Variants in CDH12 observed in about 807,000 individuals in gnomAD.
CDH12 encodes the protein cadherin-12.
A neutral mutation model predicts 74.1 loss-of-function variants in CDH12; 41 were observed. The ratio of observed to expected loss-of-function variants is 0.55; its 90% CI spans 0.43 to 0.72. The LOEUF is 0.72. Among genes scored for constraint, CDH12 ranks in the 30% least tolerant of loss-of-function variants. The pLI, the probability that CDH12 is intolerant of heterozygous loss-of-function variation, is 0.00. For missense variants in CDH12, 945 were observed against 977.2 expected, an observed-to-expected ratio of 0.97 and a Z score of 0.44; for synonymous variants, 399 against 355.0, an observed-to-expected ratio of 1.12 and a Z score of -1.39.
chr5:21,769,519 T>G (rs1418261704), intron 11 of CDH12, among the ~76,000 whole-genome samples: 2 of 152,136 alleles, frequency 1.3e-5, no homozygotes, highest in African/African-American at 4.8e-5. Flanking sequence ...GAAAGGAGGA[T>G]AGATCTCACT....
At chr5:22,378,004 CT>C (rs35745898) in intron 3 of CDH12, among the ~76,000 whole-genome samples, 91 of 152,210 alleles carry the variant, frequency 6.0e-4, no homozygotes, top group African/African-American at 2.2e-3. Flanking sequence ...CAGGTTATAA[CT>C]TTTTTAAGGC....
chr5:21,833,136 A>ATATATAT (rs1554035470), intron 8 of CDH12, among the ~76,000 whole-genome samples: 37 of 24,004 alleles, frequency 1.5e-3, no homozygotes, highest in African/African-American at 2.5e-3. Flanking sequence ...TATATTATAA[A>ATATATAT]TATATATTAT....
At position 22,812,314 on chromosome 5, in the gene CDH12, T is replaced by C. The variant is rs531043796; in HGVS notation, c.-523+40744A>G. ...AATATATATTTTTTGAGGGAAGGCATAATACTTATCATTAAGCCTGAGCCT... is the reference window on the plus strand; with the variant it reads ...AATATATATTTTTTGAGGGAAGGCACAATACTTATCATTAAGCCTGAGCCT... On this transcript the variant is annotated intron_variant, in intron 1 of 14. Transcript: ENST00000382254. Among the ~76,000 whole-genome samples, 12 of 152,240 alleles carry C rather than the reference T, an allele frequency of 7.9e-5. No individual in the cohort carries two copies. In the East Asian group the frequency reaches 1.9e-3, roughly 25 times the overall value.
intron 1 of CDH12, among the ~76,000 whole-genome samples, chr5:22,796,551 G>C (rs1227025272): frequency 1.3e-5 from 1 of 75,576 alleles, no homozygotes; most frequent in Non-Finnish European, 2.1e-5. Flanking sequence ...ACGGAGTCTC[G>C]CTCTGTCGCC....
chr5:21,897,371 G>A (rs902351467), intron 6 of CDH12, among the ~76,000 whole-genome samples: 1 of 152,166 alleles, frequency 6.6e-6, no homozygotes, highest in Non-Finnish European at 1.5e-5. Context: ...ACAAAAAAAT[G>A]TTTCCCAAGT....
At chr5:22,294,246 T>C (rs925827402) in intron 3 of CDH12, among the ~76,000 whole-genome samples, 4 of 152,012 alleles carry the variant, frequency 2.6e-5, no homozygotes, top group Non-Finnish European at 4.4e-5. Context: ...GGGAAGAGTG[T>C]TCCCTGTGAG....
At chr5:21,848,554 T>A (rs941164887) in intron 7 of CDH12, among the ~76,000 whole-genome samples, 4 of 152,050 alleles carry the variant, frequency 2.6e-5, no homozygotes, top group Non-Finnish European at 4.4e-5. Flanking sequence ...ATGGATTTTT[T>A]AAAAATACTA....
intron 4 of CDH12, among the ~76,000 whole-genome samples, chr5:22,093,113 G>A (rs1010540804): frequency 1.6e-4 from 24 of 152,132 alleles, no homozygotes; most frequent in African/African-American, 5.3e-4. Flanking sequence ...AAGCAGCATG[G>A]TCAGGTGTCT....
chr5:22,472,078 G>C (rs1745981372), intron 2 of CDH12, among the ~76,000 whole-genome samples: 2 of 152,110 alleles, frequency 1.3e-5, no homozygotes, highest in South Asian at 4.1e-4. Flanking sequence ...TACTGAAGCA[G>C]GTGAAGGACT....
At chr5:21,920,156 T>C (rs1187723531) in intron 6 of CDH12, among the ~76,000 whole-genome samples, 1 of 152,228 alleles carries the variant, frequency 6.6e-6, no homozygotes, top group Non-Finnish European at 1.5e-5. Context: ...CAAATATTTA[T>C]AGAGACCAAC....
intron 6 of CDH12, among the ~76,000 whole-genome samples, chr5:21,905,842 T>C (rs1463901499): frequency 6.6e-6 from 1 of 152,200 alleles, no homozygotes; most frequent in Non-Finnish European, 1.5e-5. Flanking sequence ...TGATTTGCAT[T>C]TATTTGAACA....
intron 4 of CDH12, among the ~76,000 whole-genome samples, chr5:22,108,361 G>A (rs532092371): frequency 6.6e-6 from 1 of 152,330 alleles, no homozygotes; most frequent in African/African-American, 2.4e-5. Context: ...AAATTACCCA[G>A]TGTTGGGTAT....
intron 5 of CDH12, among the ~76,000 whole-genome samples, chr5:22,056,290 T>A (rs1433655750): frequency 1.3e-5 from 2 of 152,194 alleles, no homozygotes; most frequent in Admixed American, 1.3e-4. Flanking sequence ...AATTCCCTAA[T>A]ATATTGTTAA....
intron 4 of CDH12, among the ~76,000 whole-genome samples, chr5:22,092,765 T>C (rs1743510191): frequency 6.6e-6 from 1 of 151,856 alleles, no homozygotes; most frequent in Non-Finnish European, 1.5e-5. Context: ...TAAGAGAAAA[T>C]GGAAAAGACT....
chr5:21,792,051 A>G (rs2149908896), intron 10 of CDH12, among the ~76,000 whole-genome samples: 1 of 152,128 alleles, frequency 6.6e-6, no homozygotes, highest in Admixed American at 6.6e-5. Context: ...TTTTGTTAAG[A>G]TAATGATAGT....
intron 6 of CDH12, chr5:21,889,510 A>G: frequency 1.2e-6 from 1 of 821,116 alleles, no homozygotes; most frequent in Non-Finnish European, 1.5e-6. Context: ...AGAAAAATAT[A>G]TTACCAATCC....
At chr5:22,692,049 G>C (rs948199548) in intron 1 of CDH12, among the ~76,000 whole-genome samples, 1 of 152,184 alleles carries the variant, frequency 6.6e-6, no homozygotes, top group African/African-American at 2.4e-5. Flanking sequence ...GGTGGTACTT[G>C]ATGTGAGGTG....
At chr5:22,339,767 G>A (rs4701582) in intron 3 of CDH12, among the ~76,000 whole-genome samples, 55,822 of 151,900 alleles carry the variant, frequency 0.37, 10,423 homozygotes, top group South Asian at 0.47. Flanking sequence ...GAAAAACAGG[G>A]GAAAAGGAAT....
intron 1 of CDH12, chr5:22,580,545 T>C (rs916929537): frequency 2.1e-6 from 1 of 473,966 alleles, no homozygotes; most frequent in South Asian, 1.6e-5. Context: ...GGCTCAGAGA[T>C]GCTCATCAGG....
Sources: gnomAD v4.1 joint callset for allele counts (sites outside exome capture counted in the v4.1 genomes callset) on GRCh38, gnomAD v4.1.1 for gene constraint, MANE v1.5 for transcripts, NCBI Gene and HGNC (gene_info 2026-07-23, HGNC 2026-07-21) for gene names.